Variants in TLE1 observed in about 807,000 individuals in gnomAD.
TLE1 encodes transducin-like enhancer protein 1.
TLE1 carries 21 observed loss-of-function variants against 89.8 expected under a neutral mutation model. The observed-to-expected ratio is 0.23, with a 90% CI of 0.17 to 0.34. TLE1 has a LOEUF of 0.34. Among genes scored for constraint, TLE1 ranks in the 10% least tolerant of loss-of-function variants. TLE1 has a pLI of 1.00. For missense variants in TLE1, 795 were observed against 1,031.2 expected, an observed-to-expected ratio of 0.77 and a Z score of 3.14; for synonymous variants, 447 against 407.6, an observed-to-expected ratio of 1.10 and a Z score of -1.16.
At position 81,586,017 on chromosome 9, in the gene TLE1, CT is replaced by C. The variant is rs560998726; in HGVS notation, c.1978-363del. Among the ~76,000 whole-genome samples the C allele has an allele frequency of 6.5e-3, 840 of 128,916 alleles. 4 individuals are homozygous for C. The highest frequency in any genetic ancestry group is 0.019 in the African/African-American group (647 of 34,336). 84.6% of individuals were successfully genotyped at this position (128,916 alleles called of 152,430 possible). ...TTCTGAGAAATGTGTCGTTAGGTGA[CT>C]TTTTTTTTTTTTTTTTTGAGACGGA... On this transcript the variant is annotated intron_variant, in intron 17 of 19. Transcript: ENST00000376499.
chr9:81,682,092 A>C (rs541381025), intron 4 of TLE1, among the ~76,000 whole-genome samples: 1 of 152,026 alleles, frequency 6.6e-6, no homozygotes, highest in Non-Finnish European at 1.5e-5. Context: ...CTACAAAAAA[A>C]AGAAAAAAAA....
chr9:81,663,867 G>A (rs1351129841), intron 4 of TLE1, among the ~76,000 whole-genome samples: 5 of 151,942 alleles, frequency 3.3e-5, no homozygotes, highest in South Asian at 2.1e-4. Flanking sequence ...CTCGTGATCC[G>A]CCCACCTCAG....
intron 6 of TLE1, among the ~76,000 whole-genome samples, chr9:81,644,285 G>C (rs72747274): frequency 1.1e-3 from 163 of 152,284 alleles, no homozygotes; most frequent in Non-Finnish European, 2.0e-3. Flanking sequence ...GTTCATAGCA[G>C]CATTATTCAA....
intron 14 of TLE1, among the ~76,000 whole-genome samples, chr9:81,599,317 T>C (rs760760153): frequency 6.6e-5 from 10 of 152,114 alleles, no homozygotes; most frequent in Non-Finnish European, 1.3e-4. Context: ...TGTTAATCTT[T>C]ACCTTAGCTT....
chr9:81,620,765 T>C, intron 8 of TLE1: 1 of 984,534 alleles, frequency 1.0e-6, no homozygotes, highest in Non-Finnish European at 1.2e-6. Flanking sequence ...AATCAAACCA[T>C]CCAAAGCTAG....
chr9:81,599,461 G>A (rs1830637197), intron 14 of TLE1, among the ~76,000 whole-genome samples: 2 of 152,262 alleles, frequency 1.3e-5, no homozygotes, highest in Admixed American at 6.5e-5. Flanking sequence ...GTGGGGGCTG[G>A]GGGAACCGGG....
intron 6 of TLE1, among the ~76,000 whole-genome samples, chr9:81,647,718 T>C (rs1357873990): frequency 2.6e-5 from 4 of 152,146 alleles, no homozygotes; most frequent in Non-Finnish European, 5.9e-5. Flanking sequence ...TAGGGGACAC[T>C]GATAGAGGTT....
chr9:81,688,939 G>C lies in TLE1; in HGVS notation c.-699C>G, dbSNP rs987290489. 6.6e-6 allele frequency: 1 copy of C among 152,414 alleles called. No individual in the cohort carries two copies. Among genetic ancestry groups the C allele is most frequent in the Non-Finnish European group, 1.5e-5 (1 of 68,238 alleles). The allele number at this position is 152,414 out of a possible 1,614,324, so 9.4% of individuals were successfully genotyped here. A position where few individuals can be genotyped will look rare whatever the true frequency, so the allele number is the denominator to read the frequency against. ...GGAGGGCGCGCCGGGAGGCGGCTCG[G>C]CACGCCCCGTGCGACCAGCACTCGG... On this transcript the variant is annotated 5_prime_UTR_variant, in exon 1 of 20. Coordinates refer to ENST00000376499, the MANE Select transcript of TLE1 (RefSeq NM_005077.5).
At chr9:81,653,452 C>G (rs546742524) in intron 5 of TLE1, among the ~76,000 whole-genome samples, 2 of 152,326 alleles carry the variant, frequency 1.3e-5, no homozygotes, top group South Asian at 4.1e-4. Context: ...GATTAAACCT[C>G]TATGACTTTG....
In TLE1 at chr9:81,620,575, T is replaced by G. The variant is rs759800377; in HGVS notation, c.595-18A>C. On this transcript the variant is annotated intron_variant, in intron 8 of 19. Transcript: ENST00000376499. ...GAATTACTCTGCAAGACAAAAAAAT[T>G]AATCAAAGATTTCTTCCCAAGCCTC... is the stretch of plus-strand genomic sequence containing the variant. 6.3e-7 allele frequency: 1 copy of G among 1,599,044 alleles called. No homozygotes were observed. Among genetic ancestry groups the G allele is most frequent in the South Asian group, 1.1e-5 (1 of 87,572 alleles).
chr9:81,633,570 A>C, intron 7 of TLE1: 2 of 656,946 alleles, frequency 3.0e-6, no homozygotes, highest in Non-Finnish European at 5.0e-6. Flanking sequence ...TTTACAGTTT[A>C]ACCATACACA....
intron 6 of TLE1, among the ~76,000 whole-genome samples, chr9:81,642,353 T>C (rs548637207): frequency 3.3e-5 from 5 of 152,266 alleles, no homozygotes; most frequent in East Asian, 3.9e-4. Context: ...AATCTGTACA[T>C]GATCCAGCAA....
Position 81,593,024 on chromosome 9 carries a change from CCAGA to C in TLE1, c.1578_1581del (p.Cys526Ter). On this transcript the variant is annotated frameshift_variant and splice_region_variant, in exon 15 of 20. Coordinates refer to ENST00000376499, the MANE Select transcript of TLE1 (RefSeq NM_005077.5). LOFTEE classifies it high-confidence loss of function. ...TTGTGCACCAGTTCCTGTTCACTCA[CCAGA>C]CAGTCGAGCTGGGAGACAGGGCTCT... The C allele has an allele frequency of 6.2e-7, 1 of 1,612,090 alleles. No individual in the cohort carries two copies. Among genetic ancestry groups the C allele is most frequent in the African/African-American group, 1.3e-5 (1 of 74,984 alleles).
Position 81,638,395 on chromosome 9 carries a change from T to G in TLE1, c.373-4094A>C, listed in dbSNP as rs80322156. Among the ~76,000 whole-genome samples, 386 of 152,142 alleles carry G rather than the reference T, an allele frequency of 2.5e-3. 3 individuals carry two copies. Among genetic ancestry groups the G allele is most frequent in the African/African-American group, 8.9e-3 (369 of 41,500 alleles). On this transcript the variant is annotated intron_variant, in intron 6 of 19. Coordinates refer to ENST00000376499, the MANE Select transcript of TLE1 (RefSeq NM_005077.5). Reference sequence around the variant, plus strand: ...CATATTTATTTAAATGAGTAGAGGGTCCAAATCTAGAAGAGTAAAACAGCT... The same window carrying G: ...CATATTTATTTAAATGAGTAGAGGGGCCAAATCTAGAAGAGTAAAACAGCT...
At chr9:81,663,783 C>A (rs965586305) in intron 4 of TLE1, among the ~76,000 whole-genome samples, 1 of 151,862 alleles carries the variant, frequency 6.6e-6, no homozygotes, top group African/African-American at 2.4e-5. Flanking sequence ...CCTGCCACCA[C>A]GCCCGGCTAA....
intron 14 of TLE1, among the ~76,000 whole-genome samples, chr9:81,601,457 G>A (rs1830913351): frequency 6.6e-6 from 1 of 152,070 alleles, no homozygotes; most frequent in Non-Finnish European, 1.5e-5. Flanking sequence ...AAAACATAGG[G>A]TGAAAGGACC....
At chr9:81,630,786 A>G (rs1390553531) in intron 8 of TLE1, among the ~76,000 whole-genome samples, 1 of 152,244 alleles carries the variant, frequency 6.6e-6, no homozygotes, top group Non-Finnish European at 1.5e-5. Context: ...TTTAGGCACT[A>G]ATAGTACACA....
intron 17 of TLE1, among the ~76,000 whole-genome samples, 174 bp from the exon 18 acceptor site, chr9:81,585,829 C>A (rs1203238661): frequency 6.6e-6 from 1 of 152,094 alleles, no homozygotes; most frequent in Non-Finnish European, 1.5e-5. Flanking sequence ...AGTGTCAAAA[C>A]CTTTAGGAAA....
intron 2 of TLE1, 85 bp from the exon 3 acceptor site, chr9:81,685,981 AAC>A (rs1290352407): frequency 1.1e-5 from 16 of 1,444,726 alleles, no homozygotes; most frequent in Non-Finnish European, 1.4e-5. Context: ...TTCAAGTAAA[AAC>A]ACAGACCAAT....
Sources: allele counts gnomAD v4.1 joint callset (sites outside exome capture counted in the v4.1 genomes callset), GRCh38; gene constraint gnomAD v4.1.1; transcripts MANE v1.5; gene names NCBI Gene and HGNC (gene_info 2026-07-23, HGNC 2026-07-21).